NCOA1: variants seen among roughly 807,000 people sequenced by gnomAD.
NCOA1 encodes the protein Hin-2 protein.
NCOA1 carries 35 observed loss-of-function variants against 150.9 expected under a neutral mutation model. The observed-to-expected ratio is 0.23, with a 90% confidence interval of 0.18 to 0.31. The LOEUF is 0.31. Ranked by LOEUF, NCOA1 falls within the 10% of genes least tolerant of loss-of-function variation. The pLI is 1.00. For synonymous variants in NCOA1, 590 were observed against 630.0 expected, an observed-to-expected ratio of 0.94 and a Z score of 0.95; for missense variants, 1,491 against 1,749.3, an observed-to-expected ratio of 0.85 and a Z score of 2.63.
chr2:24,698,028 C>G (rs1460891995), intron 11 of NCOA1, among the ~76,000 whole-genome samples: 1 of 152,112 alleles, frequency 6.6e-6, no homozygotes, highest in African/African-American at 2.4e-5. Flanking sequence ...CTCATTCATT[C>G]ATTCATTCAT....
intron 3 of NCOA1, among the ~76,000 whole-genome samples, chr2:24,624,913 TA>T (rs1669338682): frequency 6.6e-6 from 1 of 152,122 alleles, no homozygotes; most frequent in Non-Finnish European, 1.5e-5. Flanking sequence ...AAGGACCAGA[TA>T]GTAAATGCTG....
At chr2:24,642,037 T>TGTGTGTGTGTGTGTGTGTGTGTGTGCGC (rs942145000) in intron 3 of NCOA1, among the ~76,000 whole-genome samples, 5 of 138,452 alleles carry the variant, frequency 3.6e-5, no homozygotes, top group African/African-American at 7.7e-5. Context: ...TGTGTGTGTG[T>TGTGTGTGTGTGTGTGTGTGTGTGTGCGC]GCGCGCGTGC....
intron 2 of NCOA1, among the ~76,000 whole-genome samples, chr2:24,582,275 A>G (rs1667222558): frequency 6.6e-6 from 1 of 152,216 alleles, no homozygotes; most frequent in African/African-American, 2.4e-5. Context: ...TGTAGGATAC[A>G]AAATCAACAT....
intron 1 of NCOA1, among the ~76,000 whole-genome samples, chr2:24,508,107 C>T (rs1663782134): frequency 6.6e-6 from 1 of 152,116 alleles, no homozygotes; most frequent in Admixed American, 6.5e-5. Flanking sequence ...TGGGTTACTT[C>T]TGGGAAGGTT....
chr2:24,516,769 T>G (rs1442283063), intron 1 of NCOA1, among the ~76,000 whole-genome samples: 2 of 149,690 alleles, frequency 1.3e-5, no homozygotes, highest in African/African-American at 4.9e-5. Flanking sequence ...CCCATTGCTG[T>G]GAAGTTGCCT....
chr2:24,663,832 C>G (rs1671292955), intron 5 of NCOA1, among the ~76,000 whole-genome samples: 1 of 152,180 alleles, frequency 6.6e-6, no homozygotes, highest in Non-Finnish European at 1.5e-5. Flanking sequence ...TCTATCCCCT[C>G]TCTGTCTGCG....
chr2:24,581,732 C>G (rs759574146), intron 2 of NCOA1, among the ~76,000 whole-genome samples: 2 of 152,094 alleles, frequency 1.3e-5, no homozygotes, highest in Non-Finnish European at 2.9e-5. Flanking sequence ...TACTAGCAAA[C>G]TGAATCCAAC....
intron 20 of NCOA1, 62 bp downstream of exon 20, chr2:24,752,218 A>G (rs371527721): frequency 6.5e-7 from 1 of 1,549,950 alleles, no homozygotes. Context: ...TGATACTGAT[A>G]AATGCTACAG....
At chr2:24,705,981 G>A (rs992423656) in intron 12 of NCOA1, among the ~76,000 whole-genome samples, 4 of 151,972 alleles carry the variant, frequency 2.6e-5, no homozygotes, top group Non-Finnish European at 5.9e-5. Context: ...GCTTGTGAGT[G>A]GAATTAGCAC....
intron 4 of NCOA1, among the ~76,000 whole-genome samples, chr2:24,655,985 G>A (rs1670926395): frequency 1.3e-5 from 2 of 151,798 alleles, no homozygotes; most frequent in African/African-American, 4.8e-5. Flanking sequence ...CTACTCGGGA[G>A]GCTGAGGCAG....
At chr2:24,703,339 G>A (rs1558299398) in intron 11 of NCOA1, among the ~76,000 whole-genome samples, 1 of 152,158 alleles carries the variant, frequency 6.6e-6, no homozygotes, top group Admixed American at 6.5e-5. Context: ...GTCTTACTGA[G>A]TTCTAATTAA....
intron 1 of NCOA1, among the ~76,000 whole-genome samples, chr2:24,534,482 CT>C (rs1172137408): frequency 6.6e-6 from 1 of 150,494 alleles, no homozygotes; most frequent in African/African-American, 2.4e-5. Context: ...TATTTCTTGT[CT>C]TCTGCTAGCT....
At chr2:24,540,605 C>T (rs1384409544) in intron 1 of NCOA1, among the ~76,000 whole-genome samples, 5 of 151,992 alleles carry the variant, frequency 3.3e-5, no homozygotes, top group South Asian at 2.1e-4. Flanking sequence ...ATTACAGGCG[C>T]GTGCCACCAC....
intron 1 of NCOA1, among the ~76,000 whole-genome samples, chr2:24,530,797 G>A (rs962602279): frequency 2.6e-5 from 4 of 152,206 alleles, no homozygotes; most frequent in African/African-American, 9.7e-5. Flanking sequence ...GGGGAAGAGT[G>A]AGGAGATGAA....
chr2:24,495,634 G>T (rs1663173203), intron 1 of NCOA1, among the ~76,000 whole-genome samples: 1 of 152,154 alleles, frequency 6.6e-6, no homozygotes, highest in Non-Finnish European at 1.5e-5. Flanking sequence ...AATTCTAATT[G>T]TACTGGATTA....
chr2:24,732,949 G>A (rs2148648982), intron 17 of NCOA1, among the ~76,000 whole-genome samples: 1 of 152,150 alleles, frequency 6.6e-6, no homozygotes, highest in East Asian at 1.9e-4. Flanking sequence ...AAGTAAAAAG[G>A]GGGAAAAAAT....
intron 14 of NCOA1, among the ~76,000 whole-genome samples, chr2:24,717,980 T>G (rs764149864): frequency 6.7e-6 from 1 of 148,682 alleles, no homozygotes; most frequent in Non-Finnish European, 1.5e-5. Flanking sequence ...CGCTACAACC[T>G]CTGCCTCTCA....
intron 3 of NCOA1, among the ~76,000 whole-genome samples, chr2:24,631,408 A>T (rs1669703472): frequency 6.6e-6 from 1 of 152,184 alleles, no homozygotes; most frequent in Admixed American, 6.5e-5. Context: ...CTCCAATTTT[A>T]AATAAATAAT....
At chr2:24,592,578 ATTTTTTTTT>A (rs145333073) in intron 3 of NCOA1, among the ~76,000 whole-genome samples, 69 of 103,464 alleles carry the variant, frequency 6.7e-4, no homozygotes, top group Non-Finnish European at 9.4e-4. Context: ...TCCCCTCCTA[ATTTTTTTTT>A]TTTTTTTTTT....
Sources: gnomAD v4.1 joint callset for allele counts (sites outside exome capture counted in the v4.1 genomes callset) on GRCh38, gnomAD v4.1.1 for gene constraint, MANE v1.5 for transcripts, NCBI Gene and HGNC (gene_info 2026-07-23, HGNC 2026-07-21) for gene names.